ANHX: variants seen among roughly 807,000 people sequenced by gnomAD.
ANHX encodes anomalous homeobox.
In ANHX, 20 loss-of-function variants were observed where a neutral mutation model predicts 38.9. The observed-to-expected ratio is 0.51, with a 90% confidence interval of 0.36 to 0.75. ANHX has a LOEUF of 0.75. ANHX is among the 30% of genes least tolerant of loss of function. The pLI is 0.00. For synonymous variants in ANHX, 185 were observed against 203.1 expected, an observed-to-expected ratio of 0.91 and a Z score of 0.76; for missense variants, 475 against 493.1, an observed-to-expected ratio of 0.96 and a Z score of 0.35.
chr12:133,226,781 C>CCTCG (rs1224283075), intron 5 of ANHX, among the ~76,000 whole-genome samples, 155 bp downstream of exon 5: 3 of 152,154 alleles, frequency 2.0e-5, no homozygotes, highest in Non-Finnish European at 4.4e-5. Flanking sequence ...GAGCCTCAGA[C>CCTCG]CTCGGACCCT....
intron 2 of ANHX, 52 bp downstream of exon 2, chr12:133,234,056 C>T (rs1957325978): frequency 6.6e-7 from 1 of 1,515,882 alleles, no homozygotes. Flanking sequence ...TGGAGGCTGC[C>T]TAAAGAAGTT....
At chr12:133,223,985 A>G (rs1381907453) in intron 7 of ANHX, among the ~76,000 whole-genome samples, 1 of 152,218 alleles carries the variant, frequency 6.6e-6, no homozygotes, top group Non-Finnish European at 1.5e-5. Flanking sequence ...TTTTTAGAAC[A>G]AATGAGGACT....
intron 3 of ANHX, among the ~76,000 whole-genome samples, chr12:133,230,705 G>A (rs1002857968): frequency 2.0e-5 from 3 of 152,120 alleles, no homozygotes; most frequent in Admixed American, 1.3e-4. Flanking sequence ...TGAGGCTGCA[G>A]AGTTGTGACC....
Position 133,226,965 on chromosome 12 carries a change from G to A in ANHX, c.689C>T (p.Ser230Phe). ...CCACTGAGGCCTGTCCACAAACCCA[G>A]AGTCAACACGGGGGTTGCCTGAGGG... ...LQPSGNPRVD[S>F]GFVDRPQWSE... The change falls in exon 5 of 10, where the codon TCT (serine) becomes TTT (phenylalanine). Residue 230 changes from serine to phenylalanine, a missense_variant. Physicochemically the swap from Ser to Phe is radical, Grantham distance 155. Coordinates refer to ENST00000545940, the MANE Select transcript of ANHX (RefSeq NM_001372060.1). 1 of 1,531,034 alleles carries A rather than the reference G, an allele frequency of 6.5e-7. No individual in the cohort carries two copies. Among genetic ancestry groups the A allele is most frequent in the Non-Finnish European group, 8.7e-7 (1 of 1,143,650 alleles). 94.8% of individuals were successfully genotyped at this position (1,531,034 alleles called of 1,614,324 possible). A position where few individuals can be genotyped will look rare whatever the true frequency, so the allele number is the denominator to read the frequency against.
At chr12:133,223,637 G>A (rs1362683505) in intron 7 of ANHX, among the ~76,000 whole-genome samples, 1 of 151,872 alleles carries the variant, frequency 6.6e-6, no homozygotes, top group African/African-American at 2.4e-5. Flanking sequence ...TAGTACAGAT[G>A]GGGTTTCATC....
At chr12:133,227,189 A>T in intron 4 of ANHX, 37 bp from the exon 5 acceptor site, 1 of 1,513,796 alleles carries the variant, frequency 6.6e-7, no homozygotes. Flanking sequence ...CCCTGCTTCC[A>T]TTCCCTGAGG....
chr12:133,232,834 G>T (rs144058824), intron 2 of ANHX, among the ~76,000 whole-genome samples: 2 of 152,188 alleles, frequency 1.3e-5, no homozygotes, highest in Non-Finnish European at 2.9e-5. Flanking sequence ...TCTAGGTGTC[G>T]TGCTGTGTGT....
chr12:133,232,384 C>T (rs1194216054), intron 2 of ANHX, among the ~76,000 whole-genome samples: 2 of 152,210 alleles, frequency 1.3e-5, no homozygotes, highest in African/African-American at 2.4e-5. Context: ...GCTGCCTGGA[C>T]CATCCTGGCG....
At chr12:133,231,478 T>C (rs1334315853) in intron 3 of ANHX, 39 bp downstream of exon 3, 1 of 1,535,384 alleles carries the variant, frequency 6.5e-7, no homozygotes, top group Non-Finnish European at 8.7e-7. Flanking sequence ...TCCCTTGGGA[T>C]CCCCATGAAA....
chr12:133,230,013 C>T (rs1482951694), intron 3 of ANHX, among the ~76,000 whole-genome samples: 3 of 152,218 alleles, frequency 2.0e-5, no homozygotes, highest in African/African-American at 7.2e-5. Flanking sequence ...AAGACTAGGA[C>T]CAGCCTGCAC....
intron 2 of ANHX, 74 bp from the exon 3 acceptor site, chr12:133,231,718 C>A: frequency 6.6e-7 from 1 of 1,507,830 alleles, no homozygotes; most frequent in Non-Finnish European, 8.9e-7. Flanking sequence ...ATCTGCCATC[C>A]CAAACCGACT....
rs1210471317 is a variant in ANHX, at chr12:133,227,120, A to C, written c.534T>G (p.Pro178=). 1 of 1,535,834 alleles carries C rather than the reference A, an allele frequency of 6.5e-7. No homozygotes were observed. Among genetic ancestry groups the C allele is most frequent in the Admixed American group, 2.0e-5 (1 of 50,964 alleles). The part of the protein sequence containing the change: ...ENLALETSLT[P]EQVYNWFANY... ...TGGCAAACCAGTTGTACACCTGCTC[A>C]GGGGTCAAGCTCGTCTCCAATGCCA... The change falls in exon 5 of 10, where the codon CCT becomes CCG. Residue 178 remains proline, a synonymous_variant. Coordinates refer to ENST00000545940, the MANE Select transcript of ANHX (RefSeq NM_001372060.1).
rs1957107269 is a variant in ANHX, at chr12:133,221,444, T to C, written c.1133-92A>G. The C allele has an allele frequency of 2.1e-6, 3 of 1,400,586 alleles. No homozygotes were observed. The highest frequency in any genetic ancestry group is 1.4e-5 in the African/African-American group (1 of 69,584). 86.8% of individuals were successfully genotyped at this position (1,400,586 alleles called of 1,614,324 possible). A position where few individuals can be genotyped will look rare whatever the true frequency, so the allele number is the denominator to read the frequency against. ...CAAGACCTCAAAGCACGGAGGCGGA[T>C]GCAGCCTCCGGCCCAGCCAGCCCGC... On this transcript the variant is annotated intron_variant, in intron 7 of 9. Transcript: ENST00000545940. This position sits in a 1 kb window ranked among gnomAD's most constrained non-coding sequence, Gnocchi z 4.1.
intron 7 of ANHX, among the ~76,000 whole-genome samples, chr12:133,223,201 T>A (rs546523241): frequency 6.7e-6 from 1 of 149,888 alleles, no homozygotes; most frequent in African/African-American, 2.5e-5. Flanking sequence ...AAAAAAAATA[T>A]ATATATATAT....
Position 133,225,644 on chromosome 12 carries a change from A to C in ANHX, c.1024T>G (p.Phe342Val), listed in dbSNP as rs1327939771. Among the ~76,000 whole-genome samples the C allele has an allele frequency of 6.6e-6, 1 of 152,254 alleles. No individual in the cohort carries two copies. Among genetic ancestry groups the C allele is most frequent in the Non-Finnish European group, 1.5e-5 (1 of 68,040 alleles). Residue 342 changes from phenylalanine (F) to valine (V), a missense_variant, in exon 7 of 10, where the codon TTC becomes GTC. Phe to Val is a conservative substitution (Grantham distance 50). Coordinates refer to ENST00000545940, the MANE Select transcript of ANHX (RefSeq NM_001372060.1). ...LALASSKEVS[F>V]QTGQLVHSHG... The stretch of plus-strand genomic sequence containing the variant: ...CTGTGGACCAGCTGCCCAGTCTGGA[A>C]GGAAACTTCCTTGGAGGACGCCAGT...
At chr12:133,222,785 T>G (rs1730377670) in intron 7 of ANHX, among the ~76,000 whole-genome samples, 1 of 152,104 alleles carries the variant, frequency 6.6e-6, no homozygotes, top group Non-Finnish European at 1.5e-5. Flanking sequence ...TTTAAAAAAA[T>G]TATTATTAGG....
rs539002273 is a variant in ANHX, at chr12:133,218,949, G to A, written c.1388C>T (p.Ala463Val). The A allele has an allele frequency of 4.6e-6, 7 of 1,534,496 alleles. No homozygotes were observed. In the East Asian group the frequency reaches 1.5e-4, roughly 32 times the overall value. ...SSQVQCSDSQ[A>V]SGDAFWGARM... ...GGCTCCCCAGAAGGCATCACCAGAG[G>A]CCTGGCTATCAGAACACTGCACCTG... The change falls in exon 10 of 10, where the codon GCC becomes GTC. Residue 463 changes from alanine to valine, a missense_variant. Ala to Val is a moderately conservative substitution (Grantham distance 64). Transcript: ENST00000545940.
In ANHX at chr12:133,226,420, CCCTTTT is replaced by C; in HGVS notation, c.731_736del (p.Glu244_Lys245del). 6.5e-7 allele frequency: 1 copy of C among 1,534,716 alleles called. No individual in the cohort carries two copies. Among genetic ancestry groups the C allele is most frequent in the East Asian group, 2.4e-5 (1 of 40,866 alleles). ...GGTGGTCTGTGGGGACTGTGGAGGC[CCCTTTT>C]CCTCACGTTCCTCTGAAAGTGATGA... On this transcript the variant is annotated inframe_deletion, in exon 6 of 10. Transcript: ENST00000545940.
intron 7 of ANHX, among the ~76,000 whole-genome samples, chr12:133,224,617 C>T (rs140984505): frequency 0.63 from 86,289 of 137,600 alleles, 27,491 homozygotes; most frequent in East Asian, 0.9. Context: ...GAGCCGAGAT[C>T]GTGACACTGC....
Sources: gnomAD v4.1 joint callset for allele counts (sites outside exome capture counted in the v4.1 genomes callset) on GRCh38, gnomAD v4.1.1 for gene constraint, Gnocchi (gnomAD v3.1) non-coding constraint, MANE v1.5 for transcripts, NCBI Gene and HGNC (gene_info 2026-07-23, HGNC 2026-07-21) for gene names.